Variants in ACYP2 observed in about 807,000 individuals in gnomAD.
The protein encoded by ACYP2 is acylphosphatase 2.
Under a neutral mutation model 11.2 loss-of-function variants are expected in ACYP2, and 12 were observed. That is an observed-to-expected ratio of 1.08 (90% CI 0.69 to 1.74). ACYP2 has a LOEUF of 1.74. Among genes scored for constraint, ACYP2 ranks in the 40% most tolerant of loss-of-function variants. The pLI is 0.00. For missense variants in ACYP2, 134 were observed against 101.9 expected (o/e 1.31, Z -1.35); for synonymous variants, 43 against 32.2 (o/e 1.33, Z -1.13).
chr2:54,115,831 C>G (rs764937494), intron 4 of ACYP2, 75 bp downstream of exon 1: 125 of 1,433,536 alleles, frequency 8.7e-5, no homozygotes, highest in Non-Finnish European at 1.2e-4. Flanking sequence ...AAGCGCCTCC[C>G]ACCTAAAGTA....
rs988972454 is a variant in ACYP2 at position 54,115,813 on chromosome 2, G to T, written c.278-19640G>T. On this transcript the variant is annotated intron_variant, in intron 4 of 6. Transcript: ENST00000607452. ...AAGGTTATGGGAGGAAGGGGAGAAA[G>T]CTGTGAGAAGCGCCTCCCACCTAAA... 2.7e-6 allele frequency: 4 copies of T among 1,492,696 alleles called. No individual in the cohort carries two copies. The Admixed American group carries it at 9.2e-5, about 34-fold the overall frequency. 92.5% of individuals were successfully genotyped at this position (1,492,696 alleles called of 1,614,324 possible).
intron 6 of ACYP2, among the ~76,000 whole-genome samples, chr2:54,146,181 T>C (rs904565027): frequency 2.0e-5 from 3 of 152,232 alleles, no homozygotes; most frequent in African/African-American, 7.2e-5. Flanking sequence ...CATAGTTCCA[T>C]AACTTACAGT....
intron 6 of ACYP2, among the ~76,000 whole-genome samples, chr2:54,249,266 G>T (rs1363488661): frequency 6.6e-6 from 1 of 152,084 alleles, no homozygotes; most frequent in Non-Finnish European, 1.5e-5. Flanking sequence ...AATAGATATG[G>T]AAAGGGAACA....
chr2:54,207,366 G>T (rs887433950), intron 6 of ACYP2, among the ~76,000 whole-genome samples: 1 of 152,042 alleles, frequency 6.6e-6, no homozygotes, highest in African/African-American at 2.4e-5. Flanking sequence ...TAGTCTGGAG[G>T]CAGAATTTCC....
chr2:54,140,066 A>G (rs57220438), intron 6 of ACYP2, among the ~76,000 whole-genome samples: 51 of 152,314 alleles, frequency 3.3e-4, no homozygotes, highest in African/African-American at 1.1e-3. Context: ...CTACACCTCA[A>G]ATTGAAAAGT....
chr2:53,981,401 C>T (rs1001268678), intron 2 of ACYP2, among the ~76,000 whole-genome samples: 2 of 152,170 alleles, frequency 1.3e-5, no homozygotes, highest in Admixed American at 6.5e-5. Context: ...TTCCCATTGT[C>T]CACTTGGTGT....
intron 2 of ACYP2, among the ~76,000 whole-genome samples, chr2:54,019,870 T>A (rs1673910284): frequency 6.6e-6 from 1 of 152,044 alleles, no homozygotes; most frequent in African/African-American, 2.4e-5. Context: ...TCCACCTGCC[T>A]CGGCCTTCCA....
chr2:54,303,931 G>T (rs1210773890), intron 6 of ACYP2, among the ~76,000 whole-genome samples: 1 of 152,196 alleles, frequency 6.6e-6, no homozygotes, highest in Non-Finnish European at 1.5e-5. Flanking sequence ...TGAGATGTCA[G>T]CAATATACAA....
intron 6 of ACYP2, among the ~76,000 whole-genome samples, chr2:54,240,404 A>T (rs1686682376): frequency 1.3e-5 from 2 of 152,110 alleles, no homozygotes; most frequent in African/African-American, 2.4e-5. Context: ...AAGAAAATTC[A>T]CTTTTTCTAA....
intron 2 of ACYP2, among the ~76,000 whole-genome samples, chr2:54,005,888 T>C (rs1026900852): frequency 3.3e-5 from 5 of 152,216 alleles, no homozygotes; most frequent in African/African-American, 1.2e-4. Flanking sequence ...TTGATTGGAA[T>C]TGCATTAAAT....
At chr2:53,977,693 C>T (rs1346330894) in intron 2 of ACYP2, among the ~76,000 whole-genome samples, 1 of 150,696 alleles carries the variant, frequency 6.6e-6, no homozygotes, top group Non-Finnish European at 1.5e-5. Context: ...TGAGATTGTG[C>T]CACTGCACTC....
intron 6 of ACYP2, among the ~76,000 whole-genome samples, chr2:54,160,040 C>T (rs1682640309): frequency 6.6e-6 from 1 of 152,242 alleles, no homozygotes; most frequent in South Asian, 2.1e-4. Flanking sequence ...TGGATATTCC[C>T]CACCTCCCCC....
intron 6 of ACYP2, chr2:54,254,473 C>CGGTGGTCG: frequency 6.3e-6 from 1 of 159,008 alleles, no homozygotes. Flanking sequence ...CTGCTGTTCT[C>CGGTGGTCG]CCTTGACTTC....
At chr2:54,091,569 TGGCAC>T (rs961538123) in intron 4 of ACYP2, among the ~76,000 whole-genome samples, 12 of 151,792 alleles carry the variant, frequency 7.9e-5, no homozygotes, top group African/African-American at 2.9e-4. Context: ...GCTGGAGTGG[TGGCAC>T]GATCTCGGCT....
intron 4 of ACYP2, among the ~76,000 whole-genome samples, chr2:54,095,813 C>T (rs1410154542): frequency 2.6e-5 from 3 of 116,574 alleles, no homozygotes; most frequent in Non-Finnish European, 5.4e-5. Flanking sequence ...CCCTCCCGGA[C>T]GGGGCGGCTG....
Position 54,097,886 on chromosome 2 carries a change from C to T in ACYP2, c.278-37567C>T, listed in dbSNP as rs1264202435. The stretch of plus-strand genomic sequence containing the variant: ...TCTTTCTCTTTCTCTCTCTCTCTCT[C>T]CCCTCCCTCCCTCCTTCCTTCCTTT... On this transcript the variant is annotated intron_variant, in intron 4 of 6. Transcript: ENST00000607452. Among the ~76,000 whole-genome samples, 7 of 132,296 alleles carry T rather than the reference C, an allele frequency of 5.3e-5. 1 individual carries two copies. Among genetic ancestry groups the T allele is most frequent in the African/African-American group, 2.1e-4 (7 of 34,096 alleles). 86.8% of individuals were successfully genotyped at this position (132,296 alleles called of 152,430 possible). A position where few individuals can be genotyped will look rare whatever the true frequency, so the allele number is the denominator to read the frequency against.
At chr2:54,050,929 A>G (rs1675828383) in intron 2 of ACYP2, 2 of 406,618 alleles carry the variant, frequency 4.9e-6, no homozygotes, top group Non-Finnish European at 8.6e-6. Flanking sequence ...TGTGCACCCA[A>G]CTAATTAAAT....
chr2:54,252,082 C>T (rs1687252951), intron 6 of ACYP2, among the ~76,000 whole-genome samples: 1 of 152,210 alleles, frequency 6.6e-6, no homozygotes, highest in Non-Finnish European at 1.5e-5. Context: ...AGACCCGTCA[C>T]TGTCCTTGGT....
At chr2:54,245,499 TGTAA>T (rs35351322) in intron 6 of ACYP2, among the ~76,000 whole-genome samples, 2,670 of 152,330 alleles carry the variant, frequency 0.018, 65 homozygotes, top group African/African-American at 0.061. Flanking sequence ...ACCAACAGTG[TGTAA>T]GTGTTTCCTT....
Sources: gnomAD v4.1 joint callset for allele counts (sites outside exome capture counted in the v4.1 genomes callset) on GRCh38, gnomAD v4.1.1 for gene constraint, MANE v1.5 for transcripts, NCBI Gene and HGNC (gene_info 2026-07-23, HGNC 2026-07-21) for gene names.